The following FHIT variants were observed in gnomAD, a reference collection of about 807,000 sequenced individuals.
The protein encoded by FHIT is fragile histidine triad diadenosine triphosphatase.
In FHIT, 19 loss-of-function variants were observed where a neutral mutation model predicts 17.9. The observed-to-expected ratio is 1.06, with a 90% confidence interval of 0.74 to 1.56. The LOEUF is 1.56. Among genes scored for constraint, FHIT ranks in the 40% most tolerant of loss-of-function variants. The probability of loss-of-function intolerance (pLI) is 0.00; values close to 1 mark genes in which losing one functional copy is unlikely to be tolerated. For synonymous variants in FHIT, 81 were observed against 69.7 expected (o/e 1.16, Z -0.81); for missense variants, 248 against 189.2 (o/e 1.31, Z -1.82).
Position 60,464,969 on chromosome 3 carries a change from C to T in FHIT, c.103+71891G>A, listed in dbSNP as rs111622814. Among the ~76,000 whole-genome samples, 1,443 of 152,206 alleles carry T rather than the reference C, an allele frequency of 9.5e-3. 14 individuals carry two copies. The highest frequency in any genetic ancestry group is 0.037 in the East Asian group (192 of 5,174). The stretch of plus-strand genomic sequence containing the variant: ...CAGTGGTTGTACTAATTTACATTCC[C>T]ACCAACAATGTATGAGAGTTCACTT... On this transcript the variant is annotated intron_variant, in intron 5 of 9. Coordinates refer to ENST00000492590, the MANE Select transcript of FHIT (RefSeq NM_002012.4).
At chr3:60,346,249 G>T (rs1055565177) in intron 5 of FHIT, among the ~76,000 whole-genome samples, 2 of 152,176 alleles carry the variant, frequency 1.3e-5, no homozygotes, top group African/African-American at 4.8e-5. Flanking sequence ...AATTCTACCA[G>T]CTTAGCCAGC....
chr3:60,123,853 G>C (rs1451244478), intron 5 of FHIT, among the ~76,000 whole-genome samples: 1 of 148,282 alleles, frequency 6.7e-6, no homozygotes, highest in African/African-American at 2.5e-5. Context: ...GAATACACTG[G>C]ATTCTCATTC....
intron 5 of FHIT, among the ~76,000 whole-genome samples, chr3:60,383,074 T>C (rs1700871849): frequency 6.6e-6 from 1 of 152,190 alleles, no homozygotes; most frequent in African/African-American, 2.4e-5. Flanking sequence ...CTACTGTAAC[T>C]CTAAACCATC....
At chr3:60,192,334 C>T (rs1702439401) in intron 5 of FHIT, among the ~76,000 whole-genome samples, 1 of 151,578 alleles carries the variant, frequency 6.6e-6, no homozygotes, top group Admixed American at 6.6e-5. Flanking sequence ...CTGCTGAAAG[C>T]CCTAAAGCAA....
At position 59,946,725 on chromosome 3, in the gene FHIT, A is replaced by T. The variant is rs187150362; in HGVS notation, c.280-24311T>A. Among the ~76,000 whole-genome samples, 433 of 152,280 alleles carry T rather than the reference A, an allele frequency of 2.8e-3. 1 individual carries two copies. The highest frequency in any genetic ancestry group is 0.01 in the Middle Eastern group (3 of 292). ...TTGTTGAGGATTTTTAACAAGAAGG[A>T]TGTCTAATTTTATCAAAAGGCTTTT... is the stretch of plus-strand genomic sequence containing the variant. On this transcript the variant is annotated intron_variant, in intron 7 of 9. Coordinates refer to ENST00000492590, the MANE Select transcript of FHIT (RefSeq NM_002012.4).
At position 60,419,878 on chromosome 3, in the gene FHIT, C is replaced by T. The variant is rs369675679; in HGVS notation, c.103+116982G>A. Among the ~76,000 whole-genome samples, 8 of 152,118 alleles carry T rather than the reference C, an allele frequency of 5.3e-5. 1 individual carries two copies. The highest frequency in any genetic ancestry group is 4.2e-4 in the South Asian group (2 of 4,796). On this transcript the variant is annotated intron_variant, in intron 5 of 9. Coordinates refer to ENST00000492590, the MANE Select transcript of FHIT (RefSeq NM_002012.4). Reference sequence around the variant, plus strand: ...TTTCTTCGTTTTGAAATAAATTTGGCTTTTACCACTTAGAGAATTCATGTC... The same window carrying T: ...TTTCTTCGTTTTGAAATAAATTTGGTTTTTACCACTTAGAGAATTCATGTC...
At chr3:60,072,889 A>C (rs957599313) in intron 5 of FHIT, among the ~76,000 whole-genome samples, 21 of 152,086 alleles carry the variant, frequency 1.4e-4, no homozygotes, top group African/African-American at 5.1e-4. Context: ...GAAGGGAGAG[A>C]TTCAACCATC....
chr3:60,460,321 G>T (rs1318967681), intron 5 of FHIT, among the ~76,000 whole-genome samples: 9 of 152,024 alleles, frequency 5.9e-5, no homozygotes, highest in Admixed American at 5.9e-4. Flanking sequence ...AAGGAAAGAA[G>T]TTCCACGGCT....
chr3:60,551,899 T>A (rs950978700), intron 4 of FHIT, among the ~76,000 whole-genome samples: 1 of 152,016 alleles, frequency 6.6e-6, no homozygotes. Context: ...GTTTTCAGTA[T>A]GTGTGCAAAA....
At chr3:60,371,519 G>A (rs1055454212) in intron 5 of FHIT, among the ~76,000 whole-genome samples, 1 of 151,836 alleles carries the variant, frequency 6.6e-6, no homozygotes, top group African/African-American at 2.4e-5. Context: ...CACTGAACCT[G>A]GCTCTCAAGT....
intron 1 of FHIT, among the ~76,000 whole-genome samples, chr3:61,207,759 C>A (rs1305342924): frequency 6.6e-6 from 1 of 152,024 alleles, no homozygotes; most frequent in East Asian, 1.9e-4. Context: ...TTGATCTTTT[C>A]AAAAAACCAG....
In FHIT at chr3:59,750,891, A is replaced by G. The variant is rs116348173; in HGVS notation, c.*6-1312T>C. 3.0e-3 allele frequency: 591 copies of G among 199,502 alleles called. 2 individuals carry two copies. Among genetic ancestry groups the G allele is most frequent in the African/African-American group, 0.013 (557 of 43,590 alleles). 12.4% of individuals were successfully genotyped at this position (199,502 alleles called of 1,614,324 possible). ...TAAGTGGTTGATACAATTTTTTCCA[A>G]TCAATTGCTAACAGCATTTATTCAC... On this transcript the variant is annotated intron_variant, in intron 9 of 9. Coordinates refer to ENST00000492590, the MANE Select transcript of FHIT (RefSeq NM_002012.4).
At chr3:61,129,721 A>G (rs1459680956) in intron 2 of FHIT, among the ~76,000 whole-genome samples, 6 of 152,228 alleles carry the variant, frequency 3.9e-5, no homozygotes, top group Non-Finnish European at 7.3e-5. Context: ...ACCTATGTCC[A>G]TCCAATTTCA....
At chr3:60,213,439 C>T (rs924739187) in intron 5 of FHIT, among the ~76,000 whole-genome samples, 1 of 152,192 alleles carries the variant, frequency 6.6e-6, no homozygotes, top group Non-Finnish European at 1.5e-5. Context: ...GGAACAATCG[C>T]TGGGGCATAT....
At chr3:60,572,502 T>C (rs747149335) in intron 4 of FHIT, among the ~76,000 whole-genome samples, 8 of 150,832 alleles carry the variant, frequency 5.3e-5, no homozygotes, top group Non-Finnish European at 8.9e-5. Flanking sequence ...CCACAGCCAA[T>C]ATTTTCAGAA....
chr3:60,045,381 T>A (rs762014149), intron 5 of FHIT, among the ~76,000 whole-genome samples: 2 of 152,016 alleles, frequency 1.3e-5, no homozygotes, highest in Non-Finnish European at 2.9e-5. Context: ...CTTACATGGA[T>A]GGCAGCAGGC....
chr3:60,323,818 G>T (rs992731796), intron 5 of FHIT, among the ~76,000 whole-genome samples: 1 of 152,184 alleles, frequency 6.6e-6, no homozygotes, highest in Non-Finnish European at 1.5e-5. Context: ...ACTGTAGCCG[G>T]AAGGGATCCC....
intron 5 of FHIT, among the ~76,000 whole-genome samples, chr3:60,344,151 T>C (rs1710662346): frequency 6.6e-6 from 1 of 152,170 alleles, no homozygotes; most frequent in Non-Finnish European, 1.5e-5. Flanking sequence ...TAATCATTAT[T>C]TCAAAAAGGT....
intron 4 of FHIT, among the ~76,000 whole-genome samples, chr3:60,686,977 T>C (rs74822309): frequency 6.6e-6 from 1 of 152,236 alleles, no homozygotes; most frequent in African/African-American, 2.4e-5. Context: ...TGTTTGTGTT[T>C]TGTGAGGGTT....
Sources: allele counts gnomAD v4.1 joint callset (sites outside exome capture counted in the v4.1 genomes callset), GRCh38; gene constraint gnomAD v4.1.1; transcripts MANE v1.5; gene names NCBI Gene and HGNC (gene_info 2026-07-23, HGNC 2026-07-21).